Variants in RAPGEF4 observed in about 807,000 individuals in gnomAD.
RAPGEF4 encodes the protein RAP guanine-nucleotide-exchange factor (GEF) 4.
A neutral mutation model predicts 147.9 loss-of-function variants in RAPGEF4; 66 were observed. The observed-to-expected ratio is 0.45, with a 90% confidence interval of 0.37 to 0.55. RAPGEF4 has a LOEUF of 0.55. Among genes scored for constraint, RAPGEF4 ranks in the 20% least tolerant of loss-of-function variants. The pLI, the probability that RAPGEF4 is intolerant of heterozygous loss-of-function variation, is 0.00. For synonymous variants in RAPGEF4, 419 were observed against 442.7 expected, an observed-to-expected ratio of 0.95 and a Z score of 0.67; for missense variants, 1,071 against 1,257.3, an observed-to-expected ratio of 0.85 and a Z score of 2.24.
chr2:172,773,644 GC>G (rs145739180), intron 1 of RAPGEF4, among the ~76,000 whole-genome samples: 13 of 115,568 alleles, frequency 1.1e-4, no homozygotes, highest in Non-Finnish European at 2.0e-4. Context: ...GCCCCACACT[GC>G]CCCCCCCGCG....
chr2:172,766,844 T>C (rs1014497567), intron 1 of RAPGEF4, among the ~76,000 whole-genome samples: 4 of 152,222 alleles, frequency 2.6e-5, no homozygotes, highest in African/African-American at 9.6e-5. Flanking sequence ...AACTCATAAC[T>C]TTTCATTTCT....
chr2:172,821,763 GA>G, intron 4 of RAPGEF4: 1 of 985,226 alleles, frequency 1.0e-6, no homozygotes, highest in Non-Finnish European at 1.2e-6. Context: ...AAAAAAAAAG[GA>G]AGTGTTTTCT....
In RAPGEF4 at chr2:173,001,248, G is replaced by GT. The variant is rs3214814; in HGVS notation, c.1580-11dup. The GT allele has an allele frequency of 0.33, 524,325 of 1,612,284 alleles. 87,196 individuals carry two copies. The highest frequency in any genetic ancestry group is 0.34 in the Non-Finnish European group (403,707 of 1,179,338). ...CCACAAGAACCTAATTTCCTTTTCT[G>GT]TTTTTTTCCCCTTCCAGATTCTGTT... On this transcript the variant is annotated splice_polypyrimidine_tract_variant and intron_variant, in intron 16 of 30. Transcript: ENST00000397081.
At chr2:173,038,884 T>C (rs1684386963) in intron 29 of RAPGEF4, among the ~76,000 whole-genome samples, 2 of 152,210 alleles carry the variant, frequency 1.3e-5, no homozygotes, top group Non-Finnish European at 2.9e-5. Context: ...AGTTTTGAGA[T>C]CTTGGTGTCC....
chr2:173,033,338 A>T (rs544979507), intron 26 of RAPGEF4, among the ~76,000 whole-genome samples: 2 of 152,310 alleles, frequency 1.3e-5, no homozygotes, highest in South Asian at 4.1e-4. Flanking sequence ...TGTGAGACTT[A>T]ATTTTTTCCA....
intron 4 of RAPGEF4, chr2:172,889,937 G>A (rs570002706): frequency 7.7e-5 from 40 of 522,270 alleles, no homozygotes; most frequent in African/African-American, 3.3e-4. Context: ...GGAATGTTTC[G>A]TGATGTGCTG....
At chr2:172,748,668 A>G (rs573661419) in intron 1 of RAPGEF4, among the ~76,000 whole-genome samples, 1 of 152,108 alleles carries the variant, frequency 6.6e-6, no homozygotes, top group Non-Finnish European at 1.5e-5. Context: ...CCCAAATCTC[A>G]TGTCCTCACA....
At chr2:172,831,302 C>G (rs1206621388) in intron 4 of RAPGEF4, among the ~76,000 whole-genome samples, 2 of 45,974 alleles carry the variant, frequency 4.4e-5, no homozygotes, top group East Asian at 6.6e-4. Flanking sequence ...GAGTTTTGCT[C>G]TTGTTGCCCA....
intron 4 of RAPGEF4, among the ~76,000 whole-genome samples, chr2:172,829,741 C>G (rs754521180): frequency 1.3e-5 from 2 of 150,742 alleles, no homozygotes; most frequent in Non-Finnish European, 2.9e-5. Context: ...AGGATTAGGT[C>G]GAATGTGAGC....
intron 10 of RAPGEF4, 101 bp from the exon 11 acceptor site, chr2:172,983,395 G>A (rs1261044124): frequency 1.3e-6 from 2 of 1,517,206 alleles, no homozygotes; most frequent in African/African-American, 2.8e-5. Flanking sequence ...TTGTGCAGAA[G>A]AAATCCCTGA....
intron 4 of RAPGEF4, among the ~76,000 whole-genome samples, chr2:172,885,678 A>G (rs1280306624): frequency 1.3e-5 from 2 of 152,182 alleles, no homozygotes; most frequent in Non-Finnish European, 2.9e-5. Flanking sequence ...CCACGAGAAC[A>G]GTATGGGAGG....
At position 173,016,364 on chromosome 2, in the gene RAPGEF4, G is replaced by A. The variant is rs745875682; in HGVS notation, c.1825G>A (p.Val609Ile). The change falls in exon 19 of 31, where the codon GTA becomes ATA. Residue 609 changes from valine (V) to isoleucine (I), a missense_variant. Val to Ile is a conservative substitution (Grantham distance 29, BLOSUM62 3). Transcript: ENST00000397081. ...CCAATTACAGGAGTTTTATGTATCT[G>A]TATCAGATGATGCCCGGATGATTGC... ...MAFLEEFYVS[V>I]SDDARMIAAL... 2.0e-5 allele frequency: 32 copies of A among 1,613,060 alleles called. 2 individuals are homozygous for A. In the South Asian group the frequency reaches 2.6e-4, roughly 13 times the overall value.
Position 172,736,047 on chromosome 2 carries a change from A to C in RAPGEF4, c.64A>C (p.Arg22=). The change falls in exon 1 of 31, where the codon AGA becomes CGA. Residue 22 remains arginine (R), a splice_region_variant and synonymous_variant. Transcript: ENST00000397081. ...SAEWIACLDK[R]PLERSSEDVD... is the part of the protein sequence containing the mutation. ...CGAGTGGATCGCCTGCCTGGATAAA[A>C]GGTAGCTCGCCGGGGGCCGCAGCCG... 7.5e-7 allele frequency: 1 copy of C among 1,335,970 alleles called. No individual in the cohort carries two copies. The highest frequency in any genetic ancestry group is 9.5e-7 in the Non-Finnish European group (1 of 1,049,956). 82.8% of individuals were successfully genotyped at this position (1,335,970 alleles called of 1,614,324 possible).
intron 30 of RAPGEF4, among the ~76,000 whole-genome samples, chr2:173,050,431 T>G (rs1184153077): frequency 6.6e-6 from 1 of 152,290 alleles, no homozygotes; most frequent in South Asian, 2.1e-4. Context: ...TTTTCTGCCT[T>G]CAGACCTGCA....
At chr2:172,782,576 T>C (rs990853223) in intron 1 of RAPGEF4, among the ~76,000 whole-genome samples, 1 of 152,198 alleles carries the variant, frequency 6.6e-6, no homozygotes, top group African/African-American at 2.4e-5. Context: ...CAGAGTCATC[T>C]CAAATTTGAG....
At chr2:172,789,994 G>A (rs1685637538) in intron 1 of RAPGEF4, among the ~76,000 whole-genome samples, 1 of 152,182 alleles carries the variant, frequency 6.6e-6, no homozygotes, top group Non-Finnish European at 1.5e-5. Context: ...TGAGATTGCT[G>A]GATGAATGGT....
chr2:172,791,956 T>C (rs1314308552), intron 1 of RAPGEF4, among the ~76,000 whole-genome samples: 2 of 152,270 alleles, frequency 1.3e-5, no homozygotes, highest in African/African-American at 4.8e-5. Context: ...AGATGGATTC[T>C]AATCTCTGTT....
At chr2:172,889,567 G>A (rs190626225) in intron 4 of RAPGEF4, among the ~76,000 whole-genome samples, 1 of 151,896 alleles carries the variant, frequency 6.6e-6, no homozygotes, top group African/African-American at 2.4e-5. Flanking sequence ...ACAGAACGAG[G>A]TTTTACAAGG....
Position 172,915,538 on chromosome 2 carries a change from CA to C in RAPGEF4, c.445-2253del, listed in dbSNP as rs796223178. On this transcript the variant is annotated intron_variant, in intron 4 of 30. Coordinates refer to ENST00000397081, the MANE Select transcript of RAPGEF4 (RefSeq NM_007023.4). ...ACAACATGACGAAACTCTGTTTCTCCAAAAAAAAAAATTAGCCAGGCATGGT... is the reference window on the plus strand; with the variant it reads ...ACAACATGACGAAACTCTGTTTCTCCAAAAAAAAAATTAGCCAGGCATGGT... 7.1e-4 allele frequency among the ~76,000 whole-genome samples: 100 copies of C among 141,824 alleles called. No individual in the cohort carries two copies. The Middle Eastern group carries it at 0.014, about 21-fold the overall frequency. 93.0% of individuals were successfully genotyped at this position (141,824 alleles called of 152,430 possible). A position where few individuals can be genotyped will look rare whatever the true frequency, so the allele number is the denominator to read the frequency against.
Sources: gnomAD v4.1 joint callset for allele counts (sites outside exome capture counted in the v4.1 genomes callset) on GRCh38, gnomAD v4.1.1 for gene constraint, MANE v1.5 for transcripts, NCBI Gene and HGNC (gene_info 2026-07-23, HGNC 2026-07-21) for gene names.